Variants in SGCD observed in about 807,000 individuals in gnomAD.
SGCD encodes the protein sarcoglycan delta.
Under a neutral mutation model 36.6 loss-of-function variants are expected in SGCD, and 18 were observed. The observed-to-expected ratio is 0.49, with a 90% CI of 0.34 to 0.73. The LOEUF (loss-of-function observed/expected upper bound fraction) is 0.73. Among genes scored for constraint, SGCD ranks in the 30% least tolerant of loss-of-function variants. The pLI, the probability that SGCD is intolerant of heterozygous loss-of-function variation, is 0.01. For missense variants in SGCD, 387 were observed against 346.7 expected (o/e 1.12, Z -0.92); for synonymous variants, 133 against 130.6 (o/e 1.02, Z -0.12).
chr5:155,844,343 A>G, the SGCD span, among the ~76,000 whole-genome samples: 1 of 152,018 alleles, frequency 6.6e-6, no homozygotes, highest in African/African-American at 2.4e-5. Flanking sequence ...TCCTTAATAA[A>G]GTTCTCCTTA....
chr5:155,738,750 GTGTA>G, the SGCD span, among the ~76,000 whole-genome samples: 1 of 146,026 alleles, frequency 6.8e-6, no homozygotes, highest in East Asian at 2.0e-4. Flanking sequence ...GTGCATGTGA[GTGTA>G]AGAGAGTGTG....
At chr5:156,279,772 C>T (rs768880039) in intron 3 of SGCD, among the ~76,000 whole-genome samples, 13 of 152,044 alleles carry the variant, frequency 8.6e-5, no homozygotes, top group Non-Finnish European at 1.5e-4. Flanking sequence ...AGAAAGGCCC[C>T]TTTCTACATG....
chr5:155,737,608 T>A, the SGCD span, among the ~76,000 whole-genome samples: 1 of 152,114 alleles, frequency 6.6e-6, no homozygotes, highest in East Asian at 1.9e-4. Context: ...ATGGAGAAAG[T>A]AAGGATTGGG....
In SGCD at chr5:156,667,698, T is replaced by A. The variant is rs914004100; in HGVS notation, c.575+20162T>A. 5.9e-5 allele frequency among the ~76,000 whole-genome samples: 9 copies of A among 152,204 alleles called. 1 individual carries two copies. The highest frequency in any genetic ancestry group is 5.9e-4 in the Admixed American group (9 of 15,282). Reference sequence around the variant, plus strand: ...CTAAATGCCTATCCGCTTTGTGAATTTGGGCAAGTCTCTTAAGCTCTCCTA... The same window carrying A: ...CTAAATGCCTATCCGCTTTGTGAATATGGGCAAGTCTCTTAAGCTCTCCTA... On this transcript the variant is annotated intron_variant, in intron 7 of 8. Transcript: ENST00000337851.
intron 1 of SGCD, among the ~76,000 whole-genome samples, chr5:155,960,270 C>A (rs1166737494): frequency 9.2e-5 from 14 of 152,058 alleles, no homozygotes; most frequent in Admixed American, 9.2e-4. Context: ...GGCCCTGCTA[C>A]TCTGTTGTCC....
intron 3 of SGCD, among the ~76,000 whole-genome samples, chr5:156,163,546 A>G (rs1763135058): frequency 6.6e-6 from 1 of 151,528 alleles, no homozygotes; most frequent in Non-Finnish European, 1.5e-5. Context: ...GAAACTTTAC[A>G]TGGTGCTAGA....
At chr5:156,478,916 C>G (rs1046719999) in intron 3 of SGCD, among the ~76,000 whole-genome samples, 4 of 151,982 alleles carry the variant, frequency 2.6e-5, no homozygotes, top group Non-Finnish European at 5.9e-5. Context: ...CCTACTACCT[C>G]TTAGTCCTTT....
At chr5:156,269,202 G>A (rs955053801) in intron 3 of SGCD, among the ~76,000 whole-genome samples, 1 of 151,872 alleles carries the variant, frequency 6.6e-6, no homozygotes, top group Non-Finnish European at 1.5e-5. Flanking sequence ...GCGCACGGTG[G>A]CTCACACCTG....
intron 3 of SGCD, among the ~76,000 whole-genome samples, chr5:156,244,205 C>G (rs149727107): frequency 2.0e-5 from 3 of 152,122 alleles, no homozygotes; most frequent in Non-Finnish European, 4.4e-5. Flanking sequence ...GACAAAACAT[C>G]GGACACACCA....
intron 1 of SGCD, among the ~76,000 whole-genome samples, chr5:155,945,985 G>C (rs914584118): frequency 6.6e-6 from 1 of 152,174 alleles, no homozygotes; most frequent in African/African-American, 2.4e-5. Flanking sequence ...GGATGGATCG[G>C]AGAGATATAC....
rs1554085621 is a variant in SGCD, at chr5:156,229,297, T to TATATATATATATATATATAA, written c.-43-100234_-43-100233insTATATATATATATATAAATA. Among the ~76,000 whole-genome samples the TATATATATATATATATATAA allele has an allele frequency of 1.8e-4, 21 of 119,864 alleles. 2 individuals are homozygous for TATATATATATATATATATAA. Among genetic ancestry groups the TATATATATATATATATATAA allele is most frequent in the Non-Finnish European group, 3.0e-4 (18 of 59,152 alleles). The allele number at this position is 119,864 out of a possible 152,430, so 78.6% of individuals were successfully genotyped here. A position where few individuals can be genotyped will look rare whatever the true frequency, so the allele number is the denominator to read the frequency against. ...ACATACATATATATATATATATATATATAAAATTAGTTCTTCCATTGGTTC... is the reference window on the plus strand; with the variant it reads ...ACATACATATATATATATATATATATATATATATATATATATATAAATAAAATTAGTTCTTCCATTGGTTC... On this transcript the variant is annotated intron_variant, in intron 3 of 9. Coordinates refer to the SGCD transcript ENST00000517913.
At chr5:155,954,552 C>T (rs1183688679) in intron 1 of SGCD, among the ~76,000 whole-genome samples, 1 of 148,100 alleles carries the variant, frequency 6.8e-6, no homozygotes, top group Non-Finnish European at 1.5e-5. Context: ...TTATGGGCAG[C>T]TTATGGGGTT....
rs548558149 is a variant in SGCD, at chr5:155,873,272, A to G, written c.-282+2848A>G. 2.3e-3 allele frequency among the ~76,000 whole-genome samples: 346 copies of G among 152,290 alleles called. 1 individual carries two copies. The highest frequency in any genetic ancestry group is 3.8e-3 in the Non-Finnish European group (260 of 68,020). On this transcript the variant is annotated intron_variant, in intron 1 of 9. Transcript: ENST00000517913. ...TTTCAGTAAGAATATCCTTCTTTTA[A>G]AGTATACATTTTTTAAAAAAAAGTT...
At chr5:156,524,171 T>TATGTAAAACC (rs1757546486) in intron 4 of SGCD, among the ~76,000 whole-genome samples, 1 of 87,112 alleles carries the variant, frequency 1.1e-5, no homozygotes. Context: ...ACTACAGTTT[T>TATGTAAAACC]ATATAGGTCT....
intron 4 of SGCD, among the ~76,000 whole-genome samples, chr5:156,524,126 A>G (rs1387373940): frequency 3.8e-5 from 3 of 79,618 alleles, no homozygotes; most frequent in Admixed American, 1.4e-4. Context: ...ATATATATAT[A>G]TATATATATA....
At chr5:156,134,883 T>C (rs1762418736) in intron 3 of SGCD, among the ~76,000 whole-genome samples, 1 of 148,294 alleles carries the variant, frequency 6.7e-6, no homozygotes, top group Non-Finnish European at 1.5e-5. Flanking sequence ...CACTGGAGGC[T>C]TGACTGGACT....
At chr5:156,365,404 T>C (rs17053477) in intron 3 of SGCD, among the ~76,000 whole-genome samples, 5,263 of 152,292 alleles carry the variant, frequency 0.035, 237 homozygotes, top group African/African-American at 0.097. Flanking sequence ...GTATATGATA[T>C]GCTTTCAGAA....
chr5:156,551,452 T>C (rs997680705), intron 4 of SGCD, among the ~76,000 whole-genome samples: 1 of 152,176 alleles, frequency 6.6e-6, no homozygotes, highest in Admixed American at 6.5e-5. Context: ...CACGATCCAG[T>C]ACATTATTCC....
intron 4 of SGCD, among the ~76,000 whole-genome samples, chr5:156,562,271 G>A (rs974321385): frequency 2.0e-5 from 3 of 152,172 alleles, no homozygotes; most frequent in Non-Finnish European, 2.9e-5. Context: ...GATATGAAGG[G>A]CCCGGGTGAG....
Sources: allele counts gnomAD v4.1 joint callset (sites outside exome capture counted in the v4.1 genomes callset), GRCh38; gene constraint gnomAD v4.1.1; transcripts MANE v1.5; gene names NCBI Gene and HGNC (gene_info 2026-07-23, HGNC 2026-07-21).